SHISA9: variants seen among roughly 807,000 people sequenced by gnomAD.
SHISA9 encodes the protein protein shisa-9.
SHISA9 carries 13 observed loss-of-function variants against 38.0 expected under a neutral mutation model. The observed-to-expected ratio is 0.34, with a 90% CI of 0.22 to 0.54. The LOEUF (loss-of-function observed/expected upper bound fraction) is 0.54. SHISA9 is among the 20% of genes least tolerant of loss of function. SHISA9 has a pLI of 0.91. For missense variants in SHISA9, 538 were observed against 575.8 expected (o/e 0.93, Z 0.67); for synonymous variants, 275 against 242.0 (o/e 1.14, Z -1.27).
rs111493204 is a variant in SHISA9, at chr16:12,961,173, A to T, written c.691+44358A>T. ...GCTGAAGGAAGGGAGACAGTGGAAT[A>T]GCAACCCAGGCAGAGGGAACTGCAT... On this transcript the variant is annotated intron_variant, in intron 2 of 4. Transcript: ENST00000558583. Among the ~76,000 whole-genome samples, 143 of 152,308 alleles carry T rather than the reference A, an allele frequency of 9.4e-4. 1 individual carries two copies. The highest frequency in any genetic ancestry group is 3.3e-3 in the African/African-American group (139 of 41,580).
chr16:13,162,285 G>A (rs2050601867), intron 2 of SHISA9, among the ~76,000 whole-genome samples: 2 of 152,112 alleles, frequency 1.3e-5, no homozygotes, highest in African/African-American at 4.8e-5. Flanking sequence ...TGAGTTTTTA[G>A]GATTTATGAG....
At chr16:13,517,151 G>C in the SHISA9 span, among the ~76,000 whole-genome samples, 2 of 152,154 alleles carry the variant, frequency 1.3e-5, no homozygotes, top group South Asian at 2.1e-4. Context: ...CACACATAGA[G>C]AAGAAGGCCA....
chr16:13,296,891 C>CAAAAAAAA, the SHISA9 span, among the ~76,000 whole-genome samples: 10 of 26,606 alleles, frequency 3.8e-4, no homozygotes, highest in Non-Finnish European at 5.8e-4. Context: ...AACTCCATCT[C>CAAAAAAAA]AAAAAAAAAA....
intron 2 of SHISA9, among the ~76,000 whole-genome samples, chr16:12,967,468 G>A (rs1282540814): frequency 6.6e-6 from 1 of 152,002 alleles, no homozygotes; most frequent in East Asian, 1.9e-4. Flanking sequence ...TAAATGACGA[G>A]TTAATGGGTG....
At chr16:13,288,110 T>G in the SHISA9 span, among the ~76,000 whole-genome samples, 2 of 151,842 alleles carry the variant, frequency 1.3e-5, no homozygotes, top group African/African-American at 4.8e-5. Context: ...GTGGCCAAGG[T>G]GATAATGACA....
At chr16:13,341,985 C>T in the SHISA9 span, among the ~76,000 whole-genome samples, 1 of 152,182 alleles carries the variant, frequency 6.6e-6, no homozygotes, top group Non-Finnish European at 1.5e-5. Context: ...CTCTCCTTCT[C>T]ACAGTCAAAT....
intron 2 of SHISA9, among the ~76,000 whole-genome samples, chr16:12,981,574 C>T (rs2072240426): frequency 6.6e-6 from 1 of 152,176 alleles, no homozygotes; most frequent in Non-Finnish European, 1.5e-5. Flanking sequence ...GTGGAGGAAG[C>T]CAGCAGTCTA....
At chr16:13,189,636 G>A (rs1036979178) in intron 2 of SHISA9, among the ~76,000 whole-genome samples, 1 of 152,224 alleles carries the variant, frequency 6.6e-6, no homozygotes, top group South Asian at 2.1e-4. Context: ...GGAGAGAAAG[G>A]AGAGAGAACG....
intron 2 of SHISA9, among the ~76,000 whole-genome samples, chr16:13,109,190 C>T (rs1168607550): frequency 6.6e-6 from 1 of 152,122 alleles, no homozygotes; most frequent in Non-Finnish European, 1.5e-5. Context: ...TCATGCTTGG[C>T]TAATTGTTCT....
chr16:13,053,916 AG>A (rs2073281573), intron 2 of SHISA9, among the ~76,000 whole-genome samples: 1 of 152,232 alleles, frequency 6.6e-6, no homozygotes, highest in Non-Finnish European at 1.5e-5. Context: ...AATGAGGCCA[AG>A]AAGCCCACTG....
the SHISA9 span, among the ~76,000 whole-genome samples, chr16:13,311,169 A>T: frequency 2.6e-5 from 4 of 151,928 alleles, no homozygotes; most frequent in African/African-American, 9.7e-5. Flanking sequence ...TCTTCATGCA[A>T]GATTTCTCCA....
the SHISA9 span, among the ~76,000 whole-genome samples, chr16:13,384,593 A>C: frequency 6.6e-6 from 1 of 152,172 alleles, no homozygotes; most frequent in African/African-American, 2.4e-5. Context: ...GGCTACAGCA[A>C]ACATCTTTCA....
intron 2 of SHISA9, among the ~76,000 whole-genome samples, chr16:12,939,158 A>G (rs1422338073): frequency 6.6e-6 from 1 of 151,828 alleles, no homozygotes. Flanking sequence ...ATCTTGGCTC[A>G]CTGCAGCTTC....
chr16:12,994,518 C>T (rs1473210503), intron 2 of SHISA9, among the ~76,000 whole-genome samples: 1 of 152,164 alleles, frequency 6.6e-6, no homozygotes, highest in Non-Finnish European at 1.5e-5. Flanking sequence ...GAATGACAAG[C>T]CCCAGATTTA....
At chr16:13,449,423 A>T in the SHISA9 span, among the ~76,000 whole-genome samples, 1 of 152,194 alleles carries the variant, frequency 6.6e-6, no homozygotes, top group Non-Finnish European at 1.5e-5. Flanking sequence ...TGGGGATAAA[A>T]GTCAGAAGAG....
chr16:12,991,780 C>T (rs949462153), intron 2 of SHISA9, among the ~76,000 whole-genome samples: 1 of 152,008 alleles, frequency 6.6e-6, no homozygotes. Context: ...TCAAAAGCAT[C>T]CACCTTGTAG....
chr16:13,560,637 T>A, the SHISA9 span, among the ~76,000 whole-genome samples: 1 of 151,428 alleles, frequency 6.6e-6, no homozygotes, highest in East Asian at 1.9e-4. Flanking sequence ...GTTCTAGGGA[T>A]ACAGAGGTGA....
chr16:12,910,079 A>G (rs1317516638), intron 1 of SHISA9: 1 of 151,764 alleles, frequency 6.6e-6, no homozygotes, highest in Non-Finnish European at 1.5e-5. Flanking sequence ...CTGGTCTCGA[A>G]CTCTTGACCT....
chr16:13,425,248 C>T, the SHISA9 span, among the ~76,000 whole-genome samples: 2 of 152,180 alleles, frequency 1.3e-5, no homozygotes, highest in African/African-American at 4.8e-5. Flanking sequence ...AATCCCAACA[C>T]TTTGGGAGGC....
Sources: allele counts gnomAD v4.1 joint callset (sites outside exome capture counted in the v4.1 genomes callset), GRCh38; gene constraint gnomAD v4.1.1; transcripts MANE v1.5; gene names NCBI Gene and HGNC (gene_info 2026-07-23, HGNC 2026-07-21).